The following RIT2 variants were observed in gnomAD, a reference collection of about 807,000 sequenced individuals.
RIT2 encodes the protein Ras like without CAAX 2.
Under a neutral mutation model 23.7 loss-of-function variants are expected in RIT2, and 24 were observed. The ratio of observed to expected loss-of-function variants is 1.01; its 90% confidence interval spans 0.73 to 1.43. RIT2 has a LOEUF of 1.43. RIT2 is among the 40% of genes most tolerant of loss of function. The pLI, the probability that RIT2 is intolerant of heterozygous loss-of-function variation, is 0.00. For synonymous variants in RIT2, 107 were observed against 91.1 expected (o/e 1.17, Z -0.99); for missense variants, 236 against 266.9 (o/e 0.88, Z 0.81).
At chr18:43,103,584 A>T (rs1359344051) in intron 1 of RIT2, among the ~76,000 whole-genome samples, 1 of 152,226 alleles carries the variant, frequency 6.6e-6, no homozygotes, top group East Asian at 1.9e-4. Flanking sequence ...ACTGGAGTAG[A>T]CAGGGAAGAT....
intron 4 of RIT2, among the ~76,000 whole-genome samples, chr18:42,825,552 CACA>C (rs1906272104): frequency 6.6e-6 from 1 of 151,664 alleles, no homozygotes; most frequent in South Asian, 2.1e-4. Context: ...AAGTATTTTA[CACA>C]AAACTATAGC....
intron 4 of RIT2, among the ~76,000 whole-genome samples, chr18:42,761,381 C>A: frequency 6.6e-6 from 1 of 152,122 alleles, no homozygotes; most frequent in East Asian, 1.9e-4. Context: ...TAAGCATTTG[C>A]TTATCACTTG....
chr18:42,972,885 T>C (rs181896924), intron 3 of RIT2, among the ~76,000 whole-genome samples: 275 of 151,984 alleles, frequency 1.8e-3, no homozygotes, highest in African/African-American at 6.1e-3. Context: ...TTTACAACTA[T>C]ACAGCCTTTT....
chr18:42,790,394 A>C (rs2042615600), intron 4 of RIT2, among the ~76,000 whole-genome samples: 1 of 152,208 alleles, frequency 6.6e-6, no homozygotes, highest in Non-Finnish European at 1.5e-5. Context: ...ACAGAAAAAA[A>C]CATTGGATGA....
At chr18:42,880,152 T>C (rs1452739773) in intron 4 of RIT2, among the ~76,000 whole-genome samples, 1 of 152,144 alleles carries the variant, frequency 6.6e-6, no homozygotes, top group Admixed American at 6.5e-5. Context: ...AATAGTATAG[T>C]TGTGTGGCAA....
chr18:42,839,323 A>G (rs1906701136), intron 4 of RIT2, among the ~76,000 whole-genome samples: 1 of 152,038 alleles, frequency 6.6e-6, no homozygotes, highest in Non-Finnish European at 1.5e-5. Flanking sequence ...GTGAAGAAAG[A>G]AAAAAAATAC....
intron 4 of RIT2, among the ~76,000 whole-genome samples, chr18:42,904,014 G>A (rs554218850): frequency 3.9e-5 from 6 of 151,900 alleles, no homozygotes; most frequent in Non-Finnish European, 5.9e-5. Context: ...ACAAAATAGC[G>A]GTATAAATTG....
chr18:42,872,881 C>T (rs1907654728), intron 4 of RIT2, among the ~76,000 whole-genome samples: 2 of 152,100 alleles, frequency 1.3e-5, no homozygotes, highest in Admixed American at 1.3e-4. Context: ...GCTTCATAAA[C>T]ATATGATATC....
At chr18:43,028,965 G>A (rs959103958) in intron 2 of RIT2, among the ~76,000 whole-genome samples, 2 of 152,002 alleles carry the variant, frequency 1.3e-5, no homozygotes, top group Non-Finnish European at 2.9e-5. Flanking sequence ...GAGATATTGA[G>A]AAATGTATAC....
chr18:42,938,762 G>A (rs558984294), intron 3 of RIT2, among the ~76,000 whole-genome samples: 8 of 151,798 alleles, frequency 5.3e-5, no homozygotes, highest in African/African-American at 9.7e-5. Context: ...TTTAAGAGAC[G>A]GCATCTTGCT....
rs1289988731 is a variant in RIT2 at position 43,026,630 on chromosome 18, A to AAGAC, written c.160+7180_160+7181insGTCT. 3.6e-3 allele frequency among the ~76,000 whole-genome samples: 342 copies of AAGAC among 94,570 alleles called. 5 individuals are homozygous for AAGAC. The highest frequency in any genetic ancestry group is 9.8e-3 in the African/African-American group (309 of 31,460). 62.0% of individuals were successfully genotyped at this position (94,570 alleles called of 152,430 possible). ...AAAGAAAGAAAGAAAGAAAGAAAGA[A>AAGAC]AGAAAGAGAGAAAGAAGGAAAGGCT... is the stretch of plus-strand genomic sequence containing the variant. On this transcript the variant is annotated intron_variant, in intron 2 of 4. Transcript: ENST00000326695.
intron 4 of RIT2, among the ~76,000 whole-genome samples, chr18:42,790,891 G>A: frequency 6.6e-6 from 1 of 152,136 alleles, no homozygotes; most frequent in East Asian, 1.9e-4. Context: ...TGCTCCTCTG[G>A]TCTGGCTCAA....
chr18:42,963,529 A>G (rs1285667007), intron 3 of RIT2, among the ~76,000 whole-genome samples: 1 of 152,202 alleles, frequency 6.6e-6, no homozygotes, highest in Non-Finnish European at 1.5e-5. Flanking sequence ...TGCTATATTC[A>G]TGGGAAAAAA....
intron 4 of RIT2, among the ~76,000 whole-genome samples, chr18:42,860,667 A>G (rs2144048869): frequency 6.6e-6 from 1 of 152,276 alleles, no homozygotes; most frequent in South Asian, 2.1e-4. Context: ...AAACATAAAA[A>G]TTTCCATCAG....
intron 4 of RIT2, among the ~76,000 whole-genome samples, chr18:42,789,604 T>C (rs1332158086): frequency 1.3e-5 from 2 of 152,218 alleles, no homozygotes; most frequent in Non-Finnish European, 2.9e-5. Context: ...TGGGATTGTC[T>C]TCTTTATTTT....
intron 2 of RIT2, among the ~76,000 whole-genome samples, chr18:42,986,861 A>T (rs965944496): frequency 4.6e-5 from 7 of 152,176 alleles, no homozygotes; most frequent in African/African-American, 1.4e-4. Context: ...AATAAACTTA[A>T]AGCTGTATAA....
At chr18:42,952,493 G>A (rs1909875522) in intron 3 of RIT2, among the ~76,000 whole-genome samples, 1 of 151,986 alleles carries the variant, frequency 6.6e-6, no homozygotes, top group Non-Finnish European at 1.5e-5. Flanking sequence ...ATACTGTATA[G>A]CATACTGGAA....
chr18:42,932,179 C>T (rs1175211179), intron 3 of RIT2, among the ~76,000 whole-genome samples: 1 of 152,040 alleles, frequency 6.6e-6, no homozygotes, highest in Admixed American at 6.6e-5. Flanking sequence ...AGATGTTTGT[C>T]CTCTATAACA....
chr18:42,955,095 G>C (rs1233243406), intron 3 of RIT2, among the ~76,000 whole-genome samples: 1 of 152,080 alleles, frequency 6.6e-6, no homozygotes, highest in East Asian at 1.9e-4. Context: ...CATTTCTGAG[G>C]AAGTCAGATA....
Sources: gnomAD v4.1 joint callset for allele counts (sites outside exome capture counted in the v4.1 genomes callset) on GRCh38, gnomAD v4.1.1 for gene constraint, MANE v1.5 for transcripts, NCBI Gene and HGNC (gene_info 2026-07-23, HGNC 2026-07-21) for gene names.